Variants in SLC1A6 observed in about 807,000 individuals in gnomAD.
The protein encoded by SLC1A6 is solute carrier family 1 member 6.
In SLC1A6, 15 loss-of-function variants were observed where a neutral mutation model predicts 42.1. The ratio of observed to expected loss-of-function variants is 0.36; its 90% CI spans 0.24 to 0.55. The LOEUF (loss-of-function observed/expected upper bound fraction) is 0.55, where lower values mean the gene tolerates loss of function less well. Ranked by LOEUF, SLC1A6 falls within the 20% of genes least tolerant of loss-of-function variation. SLC1A6 has a pLI of 0.88. For synonymous variants in SLC1A6, 317 were observed against 319.7 expected (o/e 0.99, Z 0.09); for missense variants, 542 against 772.5 (o/e 0.70, Z 3.54).
chr19:15,008,811 C>G (rs1027010746), intron 1 of SLC1A6, among the ~76,000 whole-genome samples: 1 of 150,112 alleles, frequency 6.7e-6, no homozygotes, highest in African/African-American at 2.5e-5. Flanking sequence ...TGGCAAAAAC[C>G]CCACCTCCAC....
chr19:14,952,806 ACTTGAAAATT>A, intron 9 of SLC1A6, 112 bp downstream of exon 9: 2 of 1,286,222 alleles, frequency 1.6e-6, no homozygotes, highest in Non-Finnish European at 2.1e-6. Context: ...CCTCCTTTTC[ACTTGAAAATT>A]CTGGACCACT....
chr19:14,996,358 C>T (rs555211788), intron 1 of SLC1A6, among the ~76,000 whole-genome samples: 3 of 152,230 alleles, frequency 2.0e-5, no homozygotes, highest in South Asian at 2.1e-4. Context: ...CTGGGGAAGA[C>T]GGATGAAGGT....
At chr19:14,962,454 G>C (rs1260779345) in intron 5 of SLC1A6, 109 bp from the exon 6 acceptor site, 3 of 730,742 alleles carry the variant, frequency 4.1e-6, no homozygotes, top group Non-Finnish European at 4.7e-6. Flanking sequence ...CTGGAAGATC[G>C]ATAAGATCTT....
intron 1 of SLC1A6, among the ~76,000 whole-genome samples, chr19:14,996,304 C>T (rs1435533377): frequency 6.6e-6 from 1 of 152,148 alleles, no homozygotes; most frequent in African/African-American, 2.4e-5. Context: ...TGCAGAGTTG[C>T]AAGGAGAATG....
At chr19:15,010,541 T>C in exon 1 of SLC1A6, 1 of 636,736 alleles carries the variant, frequency 1.6e-6, no homozygotes, top group African/African-American at 1.8e-5. Flanking sequence ...ATCCTAAAGC[T>C]GGAAGAAGGG....
chr19:14,957,021 G>C (rs1296763984), intron 6 of SLC1A6, among the ~76,000 whole-genome samples: 1 of 152,072 alleles, frequency 6.6e-6, no homozygotes, highest in Non-Finnish European at 1.5e-5. Context: ...TCTCAATCCT[G>C]CCCCAAATAA....
rs1364275513 is a variant in SLC1A6 at position 14,968,284 on chromosome 19, G to T, written c.548+19C>A. ...TCCTTTTTCAAATGTGTATATTGTG[G>T]TTTTTTAGGTTGGCACACCTGATCA... On this transcript the variant is annotated intron_variant, in intron 4 of 9. Transcript: ENST00000594383. 8.8e-6 allele frequency: 14 copies of T among 1,587,224 alleles called. No homozygotes were observed. Among genetic ancestry groups the T allele is most frequent in the South Asian group, 1.1e-5 (1 of 88,682 alleles).
At position 14,979,050 on chromosome 19, in the gene SLC1A6, T is replaced by TCTCTCTCTCTCACACATACACACA. The variant is rs993487319; in HGVS notation, c.-8+258_-8+259insTGTGTGTATGTGTGAGAGAGAGAG. ...CAAATTCAGTCTCTCTCTCTCTCTGTCACACACACACACACACACACACAC... is the reference window on the plus strand; with the variant it reads ...CAAATTCAGTCTCTCTCTCTCTCTGTCTCTCTCTCTCACACATACACACACACACACACACACACACACACACAC... On this transcript the variant is annotated intron_variant, in intron 1 of 9. Coordinates refer to ENST00000594383, the MANE Select transcript of SLC1A6 (RefSeq NM_005071.3). The surrounding 1 kb of genome is among the most constrained non-coding windows in gnomAD (Gnocchi z 4.2). 1.5e-5 allele frequency among the ~76,000 whole-genome samples: 2 copies of TCTCTCTCTCTCACACATACACACA among 131,296 alleles called. No homozygotes were observed. The highest frequency in any genetic ancestry group is 5.7e-5 in the African/African-American group (2 of 35,116). 86.1% of individuals were successfully genotyped at this position (131,296 alleles called of 152,430 possible).
At chr19:14,954,480 G>A in intron 7 of SLC1A6, 151 bp from the exon 8 acceptor site, 1 of 699,078 alleles carries the variant, frequency 1.4e-6, no homozygotes, top group Non-Finnish European at 2.5e-6. Context: ...GTACGGCTGA[G>A]AATGGGTAGG....
intron 6 of SLC1A6, among the ~76,000 whole-genome samples, chr19:14,958,410 CAA>C (rs5827266): frequency 2.8e-4 from 39 of 137,138 alleles, no homozygotes; most frequent in Middle Eastern, 3.8e-3. Flanking sequence ...GACTGCATCT[CAA>C]AAAAAAAAAA....
chr19:14,989,751 G>GC (rs1401460891), intron 1 of SLC1A6, among the ~76,000 whole-genome samples: 1 of 73,036 alleles, frequency 1.4e-5, no homozygotes, highest in Non-Finnish European at 2.6e-5. Flanking sequence ...GAGTGGGGTG[G>GC]CGGGGGGTGG....
chr19:15,002,577 A>T (rs935548739), intron 1 of SLC1A6, among the ~76,000 whole-genome samples: 2 of 152,252 alleles, frequency 1.3e-5, no homozygotes, highest in African/African-American at 2.4e-5. Context: ...CATCAGGTCC[A>T]GCCCACACTC....
intron 1 of SLC1A6, among the ~76,000 whole-genome samples, chr19:14,995,313 G>A: frequency 1.0e-5 from 1 of 99,804 alleles, no homozygotes; most frequent in Non-Finnish European, 1.9e-5. Context: ...CAACAAGAGT[G>A]AAACTCCATC....
chr19:14,981,167 C>A (rs1272836707), upstream of SLC1A6, among the ~76,000 whole-genome samples: 2 of 151,938 alleles, frequency 1.3e-5, no homozygotes, highest in Non-Finnish European at 2.9e-5. Flanking sequence ...TGGGCACACA[C>A]CTGTAGTCCC....
upstream of SLC1A6, among the ~76,000 whole-genome samples, chr19:14,983,719 C>CAAAAAAAAAAAAAAAAAAA: frequency 1.9e-5 from 1 of 52,286 alleles, no homozygotes; most frequent in Non-Finnish European, 3.6e-5. Context: ...ACAACAACAC[C>CAAAAAAAAAAAAAAAAAAA]AAAAAAAAAA....
chr19:14,975,859 G>T, intron 1 of SLC1A6, among the ~76,000 whole-genome samples: 1 of 124,030 alleles, frequency 8.1e-6, no homozygotes, highest in Admixed American at 8.8e-5. Context: ...GGGAAGGGAA[G>T]GGAAGGGAAG....
chr19:14,962,670 C>T (rs1196904010), intron 5 of SLC1A6, among the ~76,000 whole-genome samples: 2 of 152,148 alleles, frequency 1.3e-5, no homozygotes, highest in Admixed American at 6.5e-5. Context: ...TTTGGAAGGT[C>T]GAGGCAGGCG....
At chr19:15,001,739 C>T (rs1390357112) in intron 1 of SLC1A6, among the ~76,000 whole-genome samples, 1 of 152,148 alleles carries the variant, frequency 6.6e-6, no homozygotes, top group Non-Finnish European at 1.5e-5. Context: ...GGGCTCATTG[C>T]AGCCTCGACC....
chr19:14,962,632 G>A (rs1297507903), intron 5 of SLC1A6, among the ~76,000 whole-genome samples: 2 of 152,108 alleles, frequency 1.3e-5, no homozygotes, highest in Non-Finnish European at 2.9e-5. Flanking sequence ...TACCGGCCGG[G>A]CATGGCTCAC....
Sources: gnomAD v4.1 joint callset for allele counts (sites outside exome capture counted in the v4.1 genomes callset) on GRCh38, gnomAD v4.1.1 for gene constraint, Gnocchi (gnomAD v3.1) non-coding constraint, MANE v1.5 for transcripts, NCBI Gene and HGNC (gene_info 2026-07-23, HGNC 2026-07-21) for gene names.